PTPRO: variants seen among roughly 807,000 people sequenced by gnomAD.
PTPRO encodes receptor-type tyrosine-protein phosphatase O.
A neutral mutation model predicts 145.2 loss-of-function variants in PTPRO; 62 were observed. The ratio of observed to expected loss-of-function variants is 0.43; its 90% CI spans 0.35 to 0.53. The LOEUF is 0.53. Among genes scored for constraint, PTPRO ranks in the 20% least tolerant of loss-of-function variants. The pLI, the probability that PTPRO is intolerant of heterozygous loss-of-function variation, is 0.01. For synonymous variants in PTPRO, 565 were observed against 514.7 expected (o/e 1.10, Z -1.32); for missense variants, 1,345 against 1,482.7 (o/e 0.91, Z 1.53).
At chr12:15,366,025 T>C (rs907279227) in intron 1 of PTPRO, among the ~76,000 whole-genome samples, 2 of 152,140 alleles carry the variant, frequency 1.3e-5, no homozygotes, top group Non-Finnish European at 2.9e-5. Flanking sequence ...GAAAAATGAC[T>C]TTAGTAACTT....
intron 10 of PTPRO, among the ~76,000 whole-genome samples, chr12:15,522,000 G>T (rs1005948340): frequency 4.0e-5 from 6 of 151,856 alleles, no homozygotes; most frequent in Admixed American, 3.9e-4. Context: ...TCTTTTCCTG[G>T]GTCAAATAAA....
chr12:15,348,766 C>A (rs375589348), intron 1 of PTPRO: 1 of 150,004 alleles, frequency 6.7e-6, no homozygotes, highest in African/African-American at 2.4e-5. Context: ...CCACCCTGGG[C>A]GACAGCGAGA....
chr12:15,371,381 G>A (rs751044135), intron 1 of PTPRO, among the ~76,000 whole-genome samples: 4 of 151,918 alleles, frequency 2.6e-5, no homozygotes, highest in South Asian at 2.1e-4. Context: ...ACAGGCACCC[G>A]CCACCACGCC....
intron 1 of PTPRO, among the ~76,000 whole-genome samples, chr12:15,345,823 A>C (rs1310941835): frequency 6.6e-6 from 1 of 152,180 alleles, no homozygotes; most frequent in African/African-American, 2.4e-5. Context: ...CAAATGTCAG[A>C]GAGGCACTAA....
At chr12:15,377,726 A>G (rs922658384) in intron 1 of PTPRO, among the ~76,000 whole-genome samples, 1 of 152,104 alleles carries the variant, frequency 6.6e-6, no homozygotes, top group African/African-American at 2.4e-5. Flanking sequence ...ATTTTACAAG[A>G]TAGACAATAT....
intron 5 of PTPRO, 107 bp downstream of exon 5, chr12:15,502,170 C>A: frequency 8.8e-7 from 1 of 1,132,932 alleles, no homozygotes; most frequent in Non-Finnish European, 1.3e-6. Flanking sequence ...AGTTATTAGT[C>A]AAAGAATAAT....
intron 1 of PTPRO, among the ~76,000 whole-genome samples, chr12:15,482,332 A>G (rs553829560): frequency 6.6e-6 from 1 of 152,112 alleles, no homozygotes; most frequent in Non-Finnish European, 1.5e-5. Flanking sequence ...GCTAAAAAAA[A>G]CTTGCAAGTT....
intron 19 of PTPRO, among the ~76,000 whole-genome samples, chr12:15,571,003 C>T (rs182511701): frequency 1.3e-5 from 2 of 152,226 alleles, no homozygotes; most frequent in Admixed American, 6.5e-5. Context: ...AAAAACATAG[C>T]TCAAACTTGT....
rs1264154345 is a variant in PTPRO at position 15,499,623 on chromosome 12, G to GA, written c.661+35dup. Reference sequence around the variant, plus strand: ...AGTCTCCTGAAGAATCAAATACAGTGAAAAAATAATTCAGTTATATTTTGC... The same window carrying GA: ...AGTCTCCTGAAGAATCAAATACAGTGAAAAAAATAATTCAGTTATATTTTGC... On this transcript the variant is annotated intron_variant, in intron 4 of 26. Coordinates refer to ENST00000281171, the MANE Select transcript of PTPRO (RefSeq NM_030667.3). The GA allele has an allele frequency of 2.5e-6, 4 of 1,599,108 alleles. No homozygotes were observed. In the African/African-American group the frequency reaches 5.4e-5, roughly 21 times the overall value.
rs375544752 is a variant in PTPRO, at chr12:15,501,714, C to T, written c.756C>T (p.Phe252=). 1.9e-6 allele frequency: 3 copies of T among 1,613,784 alleles called. No homozygotes were observed. The highest frequency in any genetic ancestry group is 2.7e-5 in the African/African-American group (2 of 74,908). Residue 252 remains phenylalanine (F), a synonymous_variant, in exon 5 of 27, where the codon TTC becomes TTT. Transcript: ENST00000281171. The stretch of plus-strand genomic sequence containing the variant: ...GTGGCAATTTCCCAGAAGAATCCTT[C>T]ATGAGATCACAAGATACAATAGGAA... ...EQSGNFPEES[F]MRSQDTIGKE...
intron 1 of PTPRO, among the ~76,000 whole-genome samples, chr12:15,446,013 AT>A (rs1193466744): frequency 6.6e-6 from 1 of 152,156 alleles, no homozygotes; most frequent in Non-Finnish European, 1.5e-5. Flanking sequence ...TTGATTAAAA[AT>A]ATTCAATATA....
At chr12:15,363,741 T>G (rs1351318794) in intron 1 of PTPRO, among the ~76,000 whole-genome samples, 1 of 152,080 alleles carries the variant, frequency 6.6e-6, no homozygotes, top group Non-Finnish European at 1.5e-5. Flanking sequence ...TGATACAACA[T>G]AATATGAATT....
chr12:15,556,121 T>A (rs933611093), intron 15 of PTPRO, among the ~76,000 whole-genome samples: 1 of 152,210 alleles, frequency 6.6e-6, no homozygotes, highest in Non-Finnish European at 1.5e-5. Context: ...CCCACATATG[T>A]TCATAGAGTC....
intron 1 of PTPRO, among the ~76,000 whole-genome samples, chr12:15,434,969 G>A (rs1940554785): frequency 6.6e-6 from 1 of 152,188 alleles, no homozygotes; most frequent in South Asian, 2.1e-4. Context: ...AGAAGCATTA[G>A]CATCTCTGCT....
At chr12:15,432,638 C>G (rs1940475617) in intron 1 of PTPRO, among the ~76,000 whole-genome samples, 1 of 152,176 alleles carries the variant, frequency 6.6e-6, no homozygotes. Flanking sequence ...TAAGTATTCC[C>G]TTTTCTCCGC....
At chr12:15,378,529 A>G (rs1353171809) in intron 1 of PTPRO, among the ~76,000 whole-genome samples, 6 of 152,160 alleles carry the variant, frequency 3.9e-5, no homozygotes, top group Non-Finnish European at 7.4e-5. Context: ...TATAGCAAGT[A>G]AAACAATTAA....
rs1023521998 is a variant in PTPRO, at chr12:15,362,092, G to A, written c.75+39291G>A. ...CTCCATTCTCATATCAAACTCCTCC[G>A]GTATTGCATTGCTGGTTAGCACAAA... On this transcript the variant is annotated intron_variant, in intron 1 of 26. Coordinates refer to ENST00000281171, the MANE Select transcript of PTPRO (RefSeq NM_030667.3). Among the ~76,000 whole-genome samples the A allele has an allele frequency of 7.2e-5, 11 of 152,204 alleles. No homozygotes were observed. The South Asian group carries it at 1.0e-3, about 14-fold the overall frequency.
chr12:15,415,297 A>G (rs544924299), intron 1 of PTPRO, among the ~76,000 whole-genome samples: 3 of 152,322 alleles, frequency 2.0e-5, no homozygotes, highest in African/African-American at 4.8e-5. Context: ...AGCAGCTCAC[A>G]TAAGAAAAGG....
rs745988960 is a variant in PTPRO at position 15,526,285 on chromosome 12, G to C, written c.2164+23G>C. On this transcript the variant is annotated intron_variant, in intron 12 of 26. Coordinates refer to ENST00000281171, the MANE Select transcript of PTPRO (RefSeq NM_030667.3). ...TAGGTAAGAAGAGTGCACAGAGATG[G>C]GTGTGAAATAATCACTAATGTTTGC... 5 of 1,612,514 alleles carry C rather than the reference G, an allele frequency of 3.1e-6. No homozygotes were observed. In the African/African-American group the frequency reaches 5.3e-5, roughly 17 times the overall value.
Sources: allele counts gnomAD v4.1 joint callset (sites outside exome capture counted in the v4.1 genomes callset), GRCh38; gene constraint gnomAD v4.1.1; transcripts MANE v1.5; gene names NCBI Gene and HGNC (gene_info 2026-07-23, HGNC 2026-07-21).